The following CRNKL1 variants were observed in gnomAD, a reference collection of about 807,000 sequenced individuals.
CRNKL1 encodes the protein crooked neck-like protein 1.
A neutral mutation model predicts 103.7 loss-of-function variants in CRNKL1; 35 were observed. The observed-to-expected ratio is 0.34, with a 90% confidence interval of 0.26 to 0.45. The LOEUF (loss-of-function observed/expected upper bound fraction) is 0.45. CRNKL1 is among the 20% of genes least tolerant of loss of function. The probability of loss-of-function intolerance (pLI) is 1.00; values close to 1 mark genes in which losing one functional copy is unlikely to be tolerated. For synonymous variants in CRNKL1, 267 were observed against 282.6 expected (o/e 0.94, Z 0.55); for missense variants, 645 against 836.0 (o/e 0.77, Z 2.82).
chr20:20,053,799 ATAAATAT>A (rs1191561576), upstream of CRNKL1, among the ~76,000 whole-genome samples: 3 of 152,316 alleles, frequency 2.0e-5, no homozygotes, highest in East Asian at 5.8e-4. Flanking sequence ...AACAAAATAA[ATAAATAT>A]TAAAAAGATG....
In CRNKL1 at chr20:20,034,549, A is replaced by AAAC. The variant is rs56296396; in HGVS notation, c.*1643_*1645dup. 1 of 70,498 alleles carries AAAC rather than the reference A, an allele frequency of 1.4e-5. No homozygotes were observed. Among genetic ancestry groups the AAAC allele is most frequent in the East Asian group, 2.5e-4 (1 of 4,056 alleles). The allele number at this position is 70,498 out of a possible 1,614,324, so 4.4% of individuals were successfully genotyped here. A position where few individuals can be genotyped will look rare whatever the true frequency, so the allele number is the denominator to read the frequency against. On this transcript the variant is annotated 3_prime_UTR_variant, in exon 14 of 14. Transcript: ENST00000536226. ...TTTTTCTTATGCATTCATGCAACAT[A>AAAC]AACAGATAATTCTAGGAAGACTGTG...
chr20:20,038,971 G>A (rs1600243464), intron 11 of CRNKL1, among the ~76,000 whole-genome samples: 1 of 152,336 alleles, frequency 6.6e-6, no homozygotes, highest in Non-Finnish European at 1.5e-5. Context: ...TCTGGTGGAG[G>A]AGCCGAGGAC....
rs778306974 is a variant in CRNKL1 at position 20,040,673 on chromosome 20, T to C, written c.1305+13A>G. The C allele has an allele frequency of 1.0e-5, 16 of 1,592,708 alleles. No individual in the cohort carries two copies. The highest frequency in any genetic ancestry group is 1.4e-5 in the Non-Finnish European group (16 of 1,164,008). ...AGAACTTGATGAGACATCTTGATCC[T>C]TTCTTTACTTACCAATGCTCTTCTG... On this transcript the variant is annotated intron_variant, in intron 10 of 13. Coordinates refer to ENST00000536226, the MANE Select transcript of CRNKL1 (RefSeq NM_001278628.2).
chr20:20,052,501 T>C (rs372474436), upstream of CRNKL1: 18 of 1,614,124 alleles, frequency 1.1e-5, no homozygotes, highest in Admixed American at 1.8e-4. Flanking sequence ...GCTTGAGCCG[T>C]GACGGAGGCG....
At chr20:20,045,816 G>C (rs752223294) in intron 5 of CRNKL1, among the ~76,000 whole-genome samples, 12 of 152,158 alleles carry the variant, frequency 7.9e-5, no homozygotes, top group Non-Finnish European at 1.6e-4. Flanking sequence ...AGTCTCAGCT[G>C]TTTCATTTGT....
chr20:20,052,284 T>C lies in CRNKL1; in HGVS notation c.51+8A>G. 6.2e-7 allele frequency: 1 copy of C among 1,604,918 alleles called. No individual in the cohort carries two copies. Among genetic ancestry groups the C allele is most frequent in the Non-Finnish European group, 8.5e-7 (1 of 1,176,964 alleles). ...CCACCTCCTACAAGGCCCCTCGCGATCGCCTACCTTGGCCACTTTGGGAAT... is the reference window on the plus strand; with the variant it reads ...CCACCTCCTACAAGGCCCCTCGCGACCGCCTACCTTGGCCACTTTGGGAAT... On this transcript the variant is annotated splice_region_variant and intron_variant, in intron 1 of 13. Transcript: ENST00000536226.
At chr20:20,038,155 C>A (rs1311480839) in intron 12 of CRNKL1, among the ~76,000 whole-genome samples, 194 bp downstream of exon 12, 1 of 148,940 alleles carries the variant, frequency 6.7e-6, no homozygotes, top group Non-Finnish European at 1.5e-5. Context: ...GCAGCATAAA[C>A]AATGACCTGG....
intron 11 of CRNKL1, 110 bp downstream of exon 11, chr20:20,039,499 G>A: frequency 1.5e-6 from 2 of 1,329,712 alleles, no homozygotes; most frequent in South Asian, 1.4e-5. Flanking sequence ...AAGAGACTAA[G>A]TTAGTTAGAT....
In CRNKL1 at chr20:20,036,207, C is replaced by G. The variant is rs772793846; in HGVS notation, c.2052G>C (p.Glu684Asp). 6.2e-7 allele frequency: 1 copy of G among 1,613,934 alleles called. No individual in the cohort carries two copies. Among genetic ancestry groups the G allele is most frequent in the Non-Finnish European group, 8.5e-7 (1 of 1,179,968 alleles). Reference sequence around the variant, plus strand: ...TATGAAAAAAAGATCAGGATTCACTCTCATCGACGTCCTCATCTGGATGGT... The same window carrying G: ...TATGAAAAAAAGATCAGGATTCACTGTCATCGACGTCCTCATCTGGATGGT... ...AEHHPDEDVD[E>D]SES is the part of the protein sequence containing the mutation. Residue 684 changes from glutamate (E) to aspartate (D), a missense_variant, in exon 14 of 14, where the codon GAG (glutamate) becomes GAC (aspartate). Physicochemically the swap from Glu to Asp is conservative, Grantham distance 45. Transcript: ENST00000536226.
upstream of CRNKL1, chr20:20,052,696 C>A (rs747537691): frequency 1.2e-6 from 2 of 1,612,070 alleles, no homozygotes; most frequent in Non-Finnish European, 1.7e-6. Context: ...CAGGCGAGGA[C>A]GAGTGGCTCT....
intron 6 of CRNKL1, among the ~76,000 whole-genome samples, 195 bp downstream of exon 6, chr20:20,045,113 T>A (rs919173240): frequency 6.6e-6 from 1 of 152,186 alleles, no homozygotes; most frequent in Non-Finnish European, 1.5e-5. Context: ...ACAGTTATAA[T>A]ACAATCTATA....
chr20:20,051,281 C>T (rs997598045), intron 1 of CRNKL1, among the ~76,000 whole-genome samples: 1 of 151,742 alleles, frequency 6.6e-6, no homozygotes, highest in Non-Finnish European at 1.5e-5. Flanking sequence ...TTTTTTATAC[C>T]GATTACATGT....
At position 20,052,347 on chromosome 20, in the gene CRNKL1, G is replaced by A. The variant is rs771778103; in HGVS notation, c.-5C>T. 6.2e-7 allele frequency: 1 copy of A among 1,613,824 alleles called. No homozygotes were observed. Among genetic ancestry groups the A allele is most frequent in the South Asian group, 1.1e-5 (1 of 91,084 alleles). On this transcript the variant is annotated 5_prime_UTR_variant, in exon 1 of 14. Transcript: ENST00000536226. ...GGCCGCGGTGGAGGCCGCCATGTCT[G>A]CAGCAGTCGACCTCTGGACACCTGT...
At chr20:20,040,226 C>T (rs1439633605) in intron 10 of CRNKL1, among the ~76,000 whole-genome samples, 1 of 151,386 alleles carries the variant, frequency 6.6e-6, no homozygotes, top group East Asian at 1.9e-4. Flanking sequence ...ATGGGAGGAT[C>T]ATTTCCGCCC....
chr20:20,039,485 G>T, intron 11 of CRNKL1, 124 bp downstream of exon 11: 1 of 1,203,604 alleles, frequency 8.3e-7, no homozygotes, highest in Non-Finnish European at 1.2e-6. Context: ...CCTAATCTGA[G>T]TAGAAGAGAC....
In CRNKL1 at chr20:20,049,371, G is replaced by A; in HGVS notation, c.265C>T (p.Gln89Ter). 5 of 1,601,238 alleles carry A rather than the reference G, an allele frequency of 3.1e-6. No homozygotes were observed. Among genetic ancestry groups the A allele is most frequent in the South Asian group, 1.1e-5 (1 of 90,152 alleles). The change falls in exon 3 of 14, where the codon CAA (glutamine) becomes TAA (stop). Residue 89 changes from glutamine (Q) to a stop codon, truncating the protein, a stop_gained. Transcript: ENST00000536226. LOFTEE classifies it high-confidence loss of function. The stretch of plus-strand genomic sequence containing the variant: ...ATCTCCTTTAGGCTTTCTTCCCATT[G>A]TGCGTATTTTATCCAGTTACTAATC... Reference protein sequence around the residue: ...TVISNWIKYAQWEESLKEIQR... With the variant: ...TVISNWIKYA
At chr20:20,052,569 G>C, upstream of CRNKL1, 2 of 1,613,926 alleles carry the variant, frequency 1.2e-6, no homozygotes, top group Non-Finnish European at 1.7e-6. Flanking sequence ...CGTGGAGTGC[G>C]GCGTCCTGGA....
chr20:20,036,021 T>C lies in CRNKL1; in HGVS notation c.*174A>G. 3.1e-6 allele frequency: 2 copies of C among 648,792 alleles called. No homozygotes were observed. Among genetic ancestry groups the C allele is most frequent in the South Asian group, 2.5e-5 (1 of 39,372 alleles). The allele number at this position is 648,792 out of a possible 1,614,324, so 40.2% of individuals were successfully genotyped here. The stretch of plus-strand genomic sequence containing the variant: ...CCAGCAGTTAAAAAAGTCCTTTACT[T>C]GCAATCCCTACCCCTAGCTAACCCA... On this transcript the variant is annotated 3_prime_UTR_variant, in exon 14 of 14. Transcript: ENST00000536226.
rs2043548180 is a variant in CRNKL1 at position 20,043,545 on chromosome 20, T to C, written c.919A>G (p.Ile307Val). 2 of 1,614,010 alleles carry C rather than the reference T, an allele frequency of 1.2e-6. No homozygotes were observed. The highest frequency in any genetic ancestry group is 1.3e-5 in the African/African-American group (1 of 74,924). ...CGTTTGCTCACAATGATATCTTCAATACCCCGCCTATCACCAAACTTCTTC... is the reference window on the plus strand; with the variant it reads ...CGTTTGCTCACAATGATATCTTCAACACCCCGCCTATCACCAAACTTCTTC... ...FEKKFGDRRG[I>V]EDIIVSKRRF... Residue 307 changes from isoleucine to valine, a missense_variant, in exon 7 of 14, where the codon ATT becomes GTT. Around this residue, in one of 2 missense-constraint regions of CRNKL1, gnomAD observed 582 missense variants for 707.7 expected, o/e 0.82. Coordinates refer to ENST00000536226, the MANE Select transcript of CRNKL1 (RefSeq NM_001278628.2).
Sources: gnomAD v4.1 joint callset for allele counts (sites outside exome capture counted in the v4.1 genomes callset) on GRCh38, gnomAD v4.1.1 for gene constraint, gnomAD v4.1.1 regional missense constraint, MANE v1.5 for transcripts, NCBI Gene and HGNC (gene_info 2026-07-23, HGNC 2026-07-21) for gene names.